The following GPM6A variants were observed in gnomAD, a reference collection of about 807,000 sequenced individuals.
GPM6A encodes glycoprotein M6A.
In GPM6A, 7 loss-of-function variants were observed where a neutral mutation model predicts 32.1. The ratio of observed to expected loss-of-function variants is 0.22; its 90% confidence interval spans 0.12 to 0.41. The LOEUF (loss-of-function observed/expected upper bound fraction) is 0.41. Among genes scored for constraint, GPM6A ranks in the 10% least tolerant of loss-of-function variants. The pLI, the probability that GPM6A is intolerant of heterozygous loss-of-function variation, is 1.00. For missense variants in GPM6A, 235 were observed against 347.2 expected, an observed-to-expected ratio of 0.68 and a Z score of 2.57; for synonymous variants, 130 against 123.4, an observed-to-expected ratio of 1.05 and a Z score of -0.35.
chr4:175,943,948 A>G (rs1220443155), intron 1 of GPM6A, among the ~76,000 whole-genome samples: 1 of 152,162 alleles, frequency 6.6e-6, no homozygotes, highest in Non-Finnish European at 1.5e-5. Context: ...CAGTTTTAGA[A>G]AGAATGGTAC....
intron 1 of GPM6A, among the ~76,000 whole-genome samples, chr4:175,773,654 A>G (rs569181586): frequency 6.6e-6 from 1 of 152,302 alleles, no homozygotes; most frequent in African/African-American, 2.4e-5. Context: ...AAATAACAGA[A>G]GCACAATTAT....
Position 175,874,943 on chromosome 4 carries a change from C to T in GPM6A, c.-22-62694G>A, listed in dbSNP as rs138726827. Among the ~76,000 whole-genome samples the T allele has an allele frequency of 1.1e-3, 168 of 152,274 alleles. 2 individuals carry two copies. The highest frequency in any genetic ancestry group is 3.8e-3 in the African/African-American group (159 of 41,560). ...CTTACTGCTTAACACGCCTCAGTTTCGTTTTGTGAAGTTACCTTAGCCCCA... is the reference window on the plus strand; with the variant it reads ...CTTACTGCTTAACACGCCTCAGTTTTGTTTTGTGAAGTTACCTTAGCCCCA... On this transcript the variant is annotated intron_variant, in intron 1 of 7. Coordinates refer to the GPM6A transcript ENST00000280187.
chr4:175,750,442 A>T (rs565809520), intron 1 of GPM6A, among the ~76,000 whole-genome samples: 96 of 152,332 alleles, frequency 6.3e-4, no homozygotes, highest in African/African-American at 2.1e-3. Flanking sequence ...TTTAATGTGT[A>T]CCGGAGCACT....
At chr4:175,953,997 TC>T (rs1739903249) in intron 1 of GPM6A, among the ~76,000 whole-genome samples, 1 of 152,162 alleles carries the variant, frequency 6.6e-6, no homozygotes, top group South Asian at 2.1e-4. Flanking sequence ...TTTTTTACAG[TC>T]CTGAGAAATG....
At chr4:175,829,028 A>T (rs1418485715) in intron 1 of GPM6A, among the ~76,000 whole-genome samples, 14 of 152,140 alleles carry the variant, frequency 9.2e-5, no homozygotes, top group African/African-American at 3.4e-4. Context: ...AGCTAAATCA[A>T]TCTTCCCACC....
intron 6 of GPM6A, among the ~76,000 whole-genome samples, chr4:175,635,945 G>A (rs895014092): frequency 6.6e-6 from 1 of 151,904 alleles, no homozygotes; most frequent in Non-Finnish European, 1.5e-5. Context: ...TTGATAATTA[G>A]TAAACAGTAC....
At chr4:175,923,226 TATATATATATATATATATATAC>T (rs981375114) in intron 1 of GPM6A, among the ~76,000 whole-genome samples, 1 of 14,528 alleles carries the variant, frequency 6.9e-5, no homozygotes, top group African/African-American at 8.7e-5. Context: ...TATATATATA[TATATATATATATATATATATAC>T]ACAACATACA....
At position 175,994,446 on chromosome 4, in the gene GPM6A, A is replaced by AT. The variant is rs1401360811; in HGVS notation, c.-23+7862dup. Among the ~76,000 whole-genome samples, 9 of 152,310 alleles carry AT rather than the reference A, an allele frequency of 5.9e-5. 1 individual carries two copies. The East Asian group carries it at 1.7e-3, about 29-fold the overall frequency. On this transcript the variant is annotated intron_variant, in intron 1 of 7. Coordinates refer to the GPM6A transcript ENST00000280187. ...CATCACAATAAAGCAAGTCACATGA[A>AT]TTTTTTGATTTCCCAGTGCATATAA...
At chr4:175,849,472 C>A (rs956565504) in intron 1 of GPM6A, among the ~76,000 whole-genome samples, 1 of 152,136 alleles carries the variant, frequency 6.6e-6, no homozygotes, top group African/African-American at 2.4e-5. Flanking sequence ...ATGATCCACA[C>A]TGGACATGTA....
intron 3 of GPM6A, among the ~76,000 whole-genome samples, chr4:175,654,482 A>T (rs1417911100): frequency 6.6e-6 from 1 of 152,214 alleles, no homozygotes; most frequent in Non-Finnish European, 1.5e-5. Flanking sequence ...TATTTTTATC[A>T]TTGAAAATAT....
chr4:175,690,390 C>T (rs79871822), intron 2 of GPM6A, among the ~76,000 whole-genome samples: 7,186 of 152,270 alleles, frequency 0.047, 206 homozygotes, highest in Non-Finnish European at 0.063. Flanking sequence ...GTGTTAATTT[C>T]CTATGACTGT....
chr4:175,668,837 C>T (rs1470067256), intron 3 of GPM6A, among the ~76,000 whole-genome samples: 1 of 152,116 alleles, frequency 6.6e-6, no homozygotes, highest in East Asian at 1.9e-4. Context: ...CAGAAAATGA[C>T]TGCTGAGTTA....
At chr4:175,904,205 T>C (rs950655840) in intron 1 of GPM6A, among the ~76,000 whole-genome samples, 21 of 152,180 alleles carry the variant, frequency 1.4e-4, no homozygotes, top group African/African-American at 5.1e-4. Context: ...AGACACTATT[T>C]ACAACCCATA....
At chr4:175,938,276 G>T (rs188369138) in intron 1 of GPM6A, among the ~76,000 whole-genome samples, 18 of 152,164 alleles carry the variant, frequency 1.2e-4, no homozygotes, top group Admixed American at 1.1e-3. Context: ...CTCCATAATG[G>T]TATTGCTGAG....
intron 1 of GPM6A, among the ~76,000 whole-genome samples, chr4:175,996,225 A>C (rs1741303546): frequency 6.6e-6 from 1 of 152,192 alleles, no homozygotes; most frequent in Non-Finnish European, 1.5e-5. Context: ...GACAGCTCTA[A>C]CTTTGCCAGA....
In GPM6A at chr4:175,650,269, A is replaced by ATTTT. The variant is rs202144152; in HGVS notation, c.541+1561_541+1564dup. On this transcript the variant is annotated intron_variant, in intron 4 of 6. Transcript: ENST00000393658. The stretch of plus-strand genomic sequence containing the variant: ...TTATTTGGCACTCTTTGATTTCATT[A>ATTTT]TTTTATTTATTTATTTATTTATTTA... Among the ~76,000 whole-genome samples, 266 of 142,424 alleles carry ATTTT rather than the reference A, an allele frequency of 1.9e-3. 2 individuals are homozygous for ATTTT. The highest frequency in any genetic ancestry group is 6.5e-3 in the African/African-American group (243 of 37,250). 93.4% of individuals were successfully genotyped at this position (142,424 alleles called of 152,430 possible).
At chr4:175,850,597 G>C (rs1408773233) in intron 1 of GPM6A, among the ~76,000 whole-genome samples, 1 of 152,054 alleles carries the variant, frequency 6.6e-6, no homozygotes, top group Non-Finnish European at 1.5e-5. Context: ...ACACATGCCT[G>C]ACAGCAAAAA....
chr4:175,749,647 ATATCTTG>A (rs1732243169), intron 1 of GPM6A, among the ~76,000 whole-genome samples: 1 of 152,182 alleles, frequency 6.6e-6, no homozygotes, highest in Non-Finnish European at 1.5e-5. Flanking sequence ...GTATAACTTT[ATATCTTG>A]ACCCCCATAA....
intron 1 of GPM6A, among the ~76,000 whole-genome samples, chr4:175,977,936 A>G (rs1740708284): frequency 6.6e-6 from 1 of 151,884 alleles, no homozygotes; most frequent in African/African-American, 2.4e-5. Context: ...GCACCACTTA[A>G]CCCTCCAAAT....
Sources: gnomAD v4.1 joint callset for allele counts (sites outside exome capture counted in the v4.1 genomes callset) on GRCh38, gnomAD v4.1.1 for gene constraint, MANE v1.5 for transcripts, NCBI Gene and HGNC (gene_info 2026-07-23, HGNC 2026-07-21) for gene names.